Variants in CTNNA2 observed in about 807,000 individuals in gnomAD.
The protein encoded by CTNNA2 is catenin alpha-2.
In CTNNA2, 42 loss-of-function variants were observed where a neutral mutation model predicts 101.0. The observed-to-expected ratio is 0.42, with a 90% CI of 0.32 to 0.54. CTNNA2 has a LOEUF of 0.54. CTNNA2 is among the 20% of genes least tolerant of loss of function. The pLI is 0.14. For synonymous variants in CTNNA2, 450 were observed against 456.4 expected (o/e 0.99, Z 0.18); for missense variants, 871 against 1,223.1 (o/e 0.71, Z 4.29).
At chr2:80,016,379 G>T (rs1694149863) in intron 7 of CTNNA2, among the ~76,000 whole-genome samples, 1 of 152,142 alleles carries the variant, frequency 6.6e-6, no homozygotes, top group African/African-American at 2.4e-5. Flanking sequence ...GGAAGGAGGG[G>T]TGAGTTGTGG....
intron 3 of CTNNA2, among the ~76,000 whole-genome samples, chr2:79,783,250 T>C (rs1402534537): frequency 6.6e-6 from 1 of 152,112 alleles, no homozygotes; most frequent in Non-Finnish European, 1.5e-5. Context: ...CTTAGAGAGT[T>C]TTCTAGTTAA....
At chr2:80,156,053 A>G (rs961540953) in intron 7 of CTNNA2, among the ~76,000 whole-genome samples, 5 of 152,188 alleles carry the variant, frequency 3.3e-5, no homozygotes, top group East Asian at 1.9e-4. Flanking sequence ...CTGAGATTCT[A>G]CATTTCTAAC....
intron 7 of CTNNA2, among the ~76,000 whole-genome samples, chr2:79,934,528 C>T (rs1435337450): frequency 6.6e-6 from 1 of 152,218 alleles, no homozygotes; most frequent in Non-Finnish European, 1.5e-5. Context: ...AGTTTACACT[C>T]AGCTTTCCTT....
At chr2:80,499,776 A>C (rs1687734789) in intron 9 of CTNNA2, among the ~76,000 whole-genome samples, 2 of 152,098 alleles carry the variant, frequency 1.3e-5, no homozygotes, top group South Asian at 4.1e-4. Context: ...AGCCGAGATC[A>C]TGCCACTACA....
intron 7 of CTNNA2, among the ~76,000 whole-genome samples, chr2:80,000,647 T>C (rs1327054836): frequency 6.6e-6 from 1 of 152,122 alleles, no homozygotes; most frequent in African/African-American, 2.4e-5. Context: ...CAACTTTGCA[T>C]GTTTCCCAAA....
chr2:79,645,993 T>C (rs1680788480), intron 1 of CTNNA2, among the ~76,000 whole-genome samples: 1 of 152,018 alleles, frequency 6.6e-6, no homozygotes, highest in Admixed American at 6.5e-5. Flanking sequence ...CCAGTATTGG[T>C]GAAGAAAAAA....
At chr2:79,871,755 T>C (rs976000896) in intron 5 of CTNNA2, among the ~76,000 whole-genome samples, 1 of 152,102 alleles carries the variant, frequency 6.6e-6, no homozygotes, top group African/African-American at 2.4e-5. Context: ...ACACCTAAAA[T>C]AACCAACACA....
At chr2:80,551,079 G>A (rs1228938094) in intron 11 of CTNNA2, among the ~76,000 whole-genome samples, 1 of 152,176 alleles carries the variant, frequency 6.6e-6, no homozygotes, top group Non-Finnish European at 1.5e-5. Context: ...AAGCAGGAAA[G>A]CACTATTAAT....
intron 1 of CTNNA2, among the ~76,000 whole-genome samples, chr2:79,592,678 A>G (rs1676939897): frequency 6.6e-6 from 1 of 152,146 alleles, no homozygotes; most frequent in Admixed American, 6.5e-5. Flanking sequence ...TAATTTTTGT[A>G]TGCATCCAGT....
intron 7 of CTNNA2, among the ~76,000 whole-genome samples, chr2:80,045,087 G>A (rs1696427850): frequency 6.6e-6 from 1 of 152,192 alleles, no homozygotes; most frequent in Non-Finnish European, 1.5e-5. Context: ...ATGGTCTCAG[G>A]GCAGCTGGAC....
chr2:79,605,925 T>C (rs936882014), intron 1 of CTNNA2, among the ~76,000 whole-genome samples: 1 of 151,892 alleles, frequency 6.6e-6, no homozygotes, highest in Non-Finnish European at 1.5e-5. Flanking sequence ...TGAGACTCTG[T>C]CTCAATAAAT....
intron 3 of CTNNA2, among the ~76,000 whole-genome samples, chr2:79,851,774 C>G (rs1346482104): frequency 8.7e-6 from 1 of 115,250 alleles, no homozygotes; most frequent in African/African-American, 3.3e-5. Flanking sequence ...CAGAATCTCA[C>G]TCTGTCGCCT....
At chr2:80,254,083 A>C (rs1482463534) in intron 7 of CTNNA2, among the ~76,000 whole-genome samples, 1 of 152,124 alleles carries the variant, frequency 6.6e-6, no homozygotes, top group East Asian at 1.9e-4. Context: ...TATACAGGTT[A>C]TGAATTTAGG....
chr2:79,399,218 G>A (rs757420327), intron 4 of CTNNA2, among the ~76,000 whole-genome samples: 12 of 152,104 alleles, frequency 7.9e-5, no homozygotes, highest in Non-Finnish European at 1.2e-4. Context: ...ATAAGAGGCT[G>A]ATTTTTTTTT....
In CTNNA2 at chr2:79,402,340, C is replaced by T. The variant is rs1319500211; in HGVS notation, c.-135+28327C>T. ...TCATAGATAGATGTAAAACATTCTA[C>T]CCAAAAACTGCAAAATACGCAATAG... On this transcript the variant is annotated intron_variant, in intron 4 of 21. Transcript: ENST00000466387. Among the ~76,000 whole-genome samples, 5 of 151,644 alleles carry T rather than the reference C, an allele frequency of 3.3e-5. No individual in the cohort carries two copies. The East Asian group carries it at 5.8e-4, about 18-fold the overall frequency.
chr2:80,132,964 T>C (rs926087699), intron 7 of CTNNA2, among the ~76,000 whole-genome samples: 5 of 152,120 alleles, frequency 3.3e-5, no homozygotes, highest in Non-Finnish European at 7.3e-5. Flanking sequence ...CTAAAAGATA[T>C]GTTGAAGCCT....
intron 8 of CTNNA2, among the ~76,000 whole-genome samples, chr2:80,407,832 G>A (rs1432464387): frequency 6.6e-6 from 1 of 152,214 alleles, no homozygotes; most frequent in African/African-American, 2.4e-5. Flanking sequence ...ATGCAAGGCT[G>A]TGCAATAGTT....
At chr2:80,280,941 T>G (rs906679383) in intron 7 of CTNNA2, among the ~76,000 whole-genome samples, 2 of 152,148 alleles carry the variant, frequency 1.3e-5, no homozygotes, top group Non-Finnish European at 2.9e-5. Flanking sequence ...GGAGAGAGTA[T>G]TTCTGAAAGG....
intron 7 of CTNNA2, among the ~76,000 whole-genome samples, chr2:80,043,204 CTCT>C (rs1558755720): frequency 7.3e-5 from 7 of 96,016 alleles, no homozygotes; most frequent in African/African-American, 2.6e-4. Flanking sequence ...CTTTCTCTCT[CTCT>C]TTTTTTTTTT....
Sources: allele counts gnomAD v4.1 joint callset (sites outside exome capture counted in the v4.1 genomes callset), GRCh38; gene constraint gnomAD v4.1.1; transcripts MANE v1.5; gene names NCBI Gene and HGNC (gene_info 2026-07-23, HGNC 2026-07-21).